CLVS1: variants seen among roughly 807,000 people sequenced by gnomAD.
CLVS1 encodes clavesin 1.
CLVS1 carries 10 observed loss-of-function variants against 33.1 expected under a neutral mutation model. The observed-to-expected ratio is 0.30, with a 90% CI of 0.19 to 0.51. CLVS1 has a LOEUF of 0.51. Among genes scored for constraint, CLVS1 ranks in the 20% least tolerant of loss-of-function variants. CLVS1 has a pLI of 0.97. For synonymous variants in CLVS1, 163 were observed against 166.1 expected (o/e 0.98, Z 0.14); for missense variants, 343 against 433.4 (o/e 0.79, Z 1.85).
At position 61,500,749 on chromosome 8, in the gene CLVS1, A is replaced by ATTAG. The variant is rs1236922170; in HGVS notation, c.*1209_*1212dup. ...AGCCATCTGCATGACATGGGTATTT[A>ATTAG]TTAGTATTACCAGTTGGTGCTCAAA... On this transcript the variant is annotated 3_prime_UTR_variant, in exon 6 of 6. Coordinates refer to ENST00000325897, the MANE Select transcript of CLVS1 (RefSeq NM_173519.3). The ATTAG allele has an allele frequency of 6.6e-6, 1 of 152,242 alleles. No individual in the cohort carries two copies. The highest frequency in any genetic ancestry group is 1.5e-5 in the Non-Finnish European group (1 of 68,030). 9.4% of individuals were successfully genotyped at this position (152,242 alleles called of 1,614,324 possible). A position where few individuals can be genotyped will look rare whatever the true frequency, so the allele number is the denominator to read the frequency against.
chr8:61,399,992 T>A (rs184024788), intron 3 of CLVS1, among the ~76,000 whole-genome samples: 40 of 152,328 alleles, frequency 2.6e-4, no homozygotes, highest in African/African-American at 9.1e-4. Flanking sequence ...TTGCTCTTTT[T>A]GCTTAGGATT....
In CLVS1 at chr8:61,300,256, G is replaced by C; in HGVS notation, c.429G>C (p.Leu143=). 5 of 1,613,692 alleles carry C rather than the reference G, an allele frequency of 3.1e-6. No homozygotes were observed. The highest frequency in any genetic ancestry group is 4.2e-6 in the Non-Finnish European group (5 of 1,179,854). ...ATTACGGCAGGAAGATTCTTTTGCT[G>C]TTTGCAGCCAATTGGGATCAGAGTA... ...RDHYGRKILL[L]FAANWDQSRN... Residue 143 remains leucine (L), a synonymous_variant, in exon 2 of 6, where the codon CTG becomes CTC. Transcript: ENST00000325897.
intron 5 of CLVS1, among the ~76,000 whole-genome samples, chr8:61,489,913 C>T (rs1007348720): frequency 2.0e-5 from 3 of 152,190 alleles, no homozygotes; most frequent in African/African-American, 7.2e-5. Flanking sequence ...TGAGGGCAGA[C>T]TACTTGTAGC....
intron 5 of CLVS1, among the ~76,000 whole-genome samples, chr8:61,482,103 C>G (rs962061965): frequency 5.3e-5 from 8 of 152,212 alleles, no homozygotes; most frequent in African/African-American, 1.7e-4. Flanking sequence ...GAGTGGACCT[C>G]CAGCAAACTC....
chr8:61,351,475 T>C (rs1812459621), intron 2 of CLVS1, among the ~76,000 whole-genome samples: 1 of 151,912 alleles, frequency 6.6e-6, no homozygotes, highest in African/African-American at 2.4e-5. Context: ...CCAATATTCA[T>C]AGGATCAGCA....
chr8:61,467,625 A>G (rs1174606733), intron 5 of CLVS1, among the ~76,000 whole-genome samples: 3 of 152,186 alleles, frequency 2.0e-5, no homozygotes, highest in South Asian at 2.1e-4. Context: ...GGTACGGACC[A>G]TATCGAAACT....
chr8:61,164,517 C>T (rs2129297205), intron 2 of CLVS1, among the ~76,000 whole-genome samples: 1 of 152,244 alleles, frequency 6.6e-6, no homozygotes, highest in Non-Finnish European at 1.5e-5. Context: ...CATGGCCGCC[C>T]CCACATATCC....
chr8:61,425,180 A>G (rs1269469389), intron 3 of CLVS1, among the ~76,000 whole-genome samples: 1 of 152,136 alleles, frequency 6.6e-6, no homozygotes, highest in Non-Finnish European at 1.5e-5. Flanking sequence ...CCATCTACCA[A>G]TCCTCTGATA....
chr8:61,118,858 G>C (rs1027895361), intron 1 of CLVS1, among the ~76,000 whole-genome samples: 1 of 152,188 alleles, frequency 6.6e-6, no homozygotes, highest in Non-Finnish European at 1.5e-5. Context: ...GTTGATTTGG[G>C]GTGGAGAGTT....
At chr8:61,044,151 T>A in the CLVS1 span, among the ~76,000 whole-genome samples, 1 of 152,188 alleles carries the variant, frequency 6.6e-6, no homozygotes, top group Non-Finnish European at 1.5e-5. Flanking sequence ...ATCCAGCAGA[T>A]GCCATGGTCC....
the CLVS1 span, among the ~76,000 whole-genome samples, chr8:61,006,748 G>A: frequency 6.6e-6 from 1 of 152,204 alleles, no homozygotes; most frequent in Non-Finnish European, 1.5e-5. Context: ...TGAAGCCTGA[G>A]CCTGCTCTGT....
At chr8:61,043,312 G>C in the CLVS1 span, among the ~76,000 whole-genome samples, 3 of 152,162 alleles carry the variant, frequency 2.0e-5, no homozygotes, top group Non-Finnish European at 4.4e-5. Context: ...CCCATATCAG[G>C]GTAGTTAATC....
At chr8:61,421,905 T>C (rs1815688579) in intron 3 of CLVS1, among the ~76,000 whole-genome samples, 1 of 152,188 alleles carries the variant, frequency 6.6e-6, no homozygotes, top group African/African-American at 2.4e-5. Flanking sequence ...GACTCCTTCA[T>C]GGGATGAGGA....
chr8:60,969,702 T>C, the CLVS1 span, among the ~76,000 whole-genome samples: 1 of 152,112 alleles, frequency 6.6e-6, no homozygotes, highest in African/African-American at 2.4e-5. Flanking sequence ...TTTGGATATA[T>C]TGAATTAAAT....
intron 2 of CLVS1, among the ~76,000 whole-genome samples, chr8:61,146,003 G>A (rs996265071): frequency 6.6e-5 from 10 of 152,222 alleles, no homozygotes; most frequent in Non-Finnish European, 1.2e-4. Flanking sequence ...ATCCCAGCAT[G>A]TTTCTCAGAC....
intron 5 of CLVS1, among the ~76,000 whole-genome samples, chr8:61,463,360 C>T (rs1174984945): frequency 1.3e-5 from 2 of 152,172 alleles, no homozygotes; most frequent in Non-Finnish European, 2.9e-5. Flanking sequence ...ACTGAAGTAG[C>T]ACTTTTAATG....
chr8:61,087,680 C>T (rs1560555), intron 1 of CLVS1, among the ~76,000 whole-genome samples: 85,167 of 152,040 alleles, frequency 0.56, 26,599 homozygotes, highest in African/African-American at 0.84. Context: ...GGAATATCTA[C>T]CATGTAGAAA....
intron 5 of CLVS1, among the ~76,000 whole-genome samples, chr8:61,482,282 C>T (rs1818223016): frequency 6.6e-6 from 1 of 152,186 alleles, no homozygotes; most frequent in African/African-American, 2.4e-5. Flanking sequence ...TTCTAAAAAT[C>T]AGAGTGCCTC....
At chr8:61,429,350 G>A (rs1485023825) in intron 3 of CLVS1, among the ~76,000 whole-genome samples, 3 of 150,186 alleles carry the variant, frequency 2.0e-5, no homozygotes, top group African/African-American at 7.4e-5. Context: ...AACCTGGGAG[G>A]TAGAGGTTGC....
Sources: gnomAD v4.1 joint callset for allele counts (sites outside exome capture counted in the v4.1 genomes callset) on GRCh38, gnomAD v4.1.1 for gene constraint, MANE v1.5 for transcripts, NCBI Gene and HGNC (gene_info 2026-07-23, HGNC 2026-07-21) for gene names.